GLB1: variants seen among roughly 807,000 people sequenced by gnomAD.
GLB1 encodes the protein galactosidase beta 1, also known as beta-galactosidase.
GLB1 carries 56 observed loss-of-function variants against 74.0 expected under a neutral mutation model. That is an observed-to-expected ratio of 0.76 (90% CI 0.61 to 0.94). The LOEUF (loss-of-function observed/expected upper bound fraction) is 0.94, where lower values mean the gene tolerates loss of function less well. Ranked by LOEUF, GLB1 falls within the 40% of genes least tolerant of loss-of-function variation. GLB1 has a pLI of 0.00. For synonymous variants in GLB1, 323 were observed against 323.6 expected (o/e 1.00, Z 0.02); for missense variants, 787 against 845.5 (o/e 0.93, Z 0.86).
the GLB1 span, among the ~76,000 whole-genome samples, chr3:32,981,497 G>C: frequency 6.6e-6 from 1 of 151,722 alleles, no homozygotes; most frequent in Non-Finnish European, 1.5e-5. Flanking sequence ...ATACTGACCG[G>C]GCACGGTGGC....
intron 15 of GLB1, among the ~76,000 whole-genome samples, chr3:32,997,942 A>G (rs1696383870): frequency 6.6e-6 from 1 of 152,142 alleles, no homozygotes; most frequent in Non-Finnish European, 1.5e-5. Flanking sequence ...CAAGAGGGAT[A>G]GGGGGGTTTG....
rs1698193245 is a variant in GLB1 at position 33,034,607 on chromosome 3, A to G, written c.1069-10282T>C. 22 of 720,042 alleles carry G rather than the reference A, an allele frequency of 3.1e-5. No homozygotes were observed. The South Asian group carries it at 3.1e-4, about 10-fold the overall frequency. The allele number at this position is 720,042 out of a possible 1,614,324, so 44.6% of individuals were successfully genotyped here. On this transcript the variant is annotated intron_variant, in intron 10 of 15. Transcript: ENST00000307363. Reference sequence around the variant, plus strand: ...TGCCTTGGGAAATATATGGTCTCCCAAATTGCTGCACAAGTTCAATGATGT... The same window carrying G: ...TGCCTTGGGAAATATATGGTCTCCCGAATTGCTGCACAAGTTCAATGATGT...
intron 10 of GLB1, among the ~76,000 whole-genome samples, chr3:33,031,753 G>A (rs1698052541): frequency 7.1e-6 from 1 of 141,710 alleles, no homozygotes; most frequent in Non-Finnish European, 1.5e-5. Flanking sequence ...GACATGTTAA[G>A]CTGCAATCTA....
At chr3:33,077,938 T>G (rs1700181715) in intron 1 of GLB1, among the ~76,000 whole-genome samples, 1 of 152,214 alleles carries the variant, frequency 6.6e-6, no homozygotes, top group African/African-American at 2.4e-5. Context: ...AAGGACAATT[T>G]TATAACTTTG....
intron 1 of GLB1, among the ~76,000 whole-genome samples, chr3:33,078,286 AC>A (rs955743349): frequency 1.1e-4 from 16 of 152,130 alleles, no homozygotes; most frequent in Non-Finnish European, 1.2e-4. Context: ...ATCTGAAAAC[AC>A]CTTTTCCCCA....
chr3:32,962,324 C>T, the GLB1 span, among the ~76,000 whole-genome samples: 8 of 151,798 alleles, frequency 5.3e-5, no homozygotes, highest in African/African-American at 1.7e-4. Flanking sequence ...AAAGAATGGA[C>T]GTTAGTTAAT....
chr3:33,068,171 G>A, intron 4 of GLB1, 59 bp downstream of exon 4: 1 of 1,611,344 alleles, frequency 6.2e-7, no homozygotes, highest in East Asian at 2.2e-5. Flanking sequence ...ACAGGCGTGA[G>A]CCACCGCACC....
In GLB1 at chr3:33,073,001, T is replaced by C. The variant is rs79293183; in HGVS notation, c.76-288A>G. ...CAGTGGCTGAGATGATATTCCACTG[T>C]GCTGTTCATGGGGCTGGGGAACATC... On this transcript the variant is annotated intron_variant, in intron 1 of 15. Coordinates refer to ENST00000307363, the MANE Select transcript of GLB1 (RefSeq NM_000404.4). Among the ~76,000 whole-genome samples the C allele has an allele frequency of 0.017, 2,617 of 152,200 alleles. 67 individuals are homozygous for C. The highest frequency in any genetic ancestry group is 0.075 in the East Asian group (388 of 5,180).
At position 33,065,511 on chromosome 3, in the gene GLB1, C is replaced by T. The variant is rs780127497; in HGVS notation, c.504G>A (p.Lys168=). ...CATTCTGATAGAGGAGAGGCTTCAT[C>T]TTGGGCAGAAGGACTCCCAACCACT... ...VDKWLGVLLP[K]MKPLLYQNGG... is the part of the protein sequence containing the mutation. The change falls in exon 5 of 16, where the codon AAG becomes AAA. Residue 168 remains lysine, a synonymous_variant. Coordinates refer to ENST00000307363, the MANE Select transcript of GLB1 (RefSeq NM_000404.4). 1 of 1,586,752 alleles carries T rather than the reference C, an allele frequency of 6.3e-7. No individual in the cohort carries two copies.
chr3:33,074,366 AAGGAAGG>A (rs1700013392), intron 1 of GLB1, among the ~76,000 whole-genome samples: 3 of 124,020 alleles, frequency 2.4e-5, no homozygotes, highest in African/African-American at 8.8e-5. Flanking sequence ...GGAAGGAAGG[AAGGAAGG>A]AAGGAAGGAA....
intron 15 of GLB1, among the ~76,000 whole-genome samples, chr3:33,000,327 T>C (rs1208049257): frequency 1.3e-5 from 2 of 152,232 alleles, no homozygotes; most frequent in Non-Finnish European, 2.9e-5. Context: ...AGTGATACTA[T>C]AAAGAGTAGC....
chr3:33,091,277 G>A, intron 1 of GLB1: 2 of 985,460 alleles, frequency 2.0e-6, no homozygotes, highest in Non-Finnish European at 2.4e-6. Context: ...GGCTGCCTGG[G>A]AACAAAAAGG....
In GLB1 at chr3:33,018,485, T is replaced by A. The variant is rs202237232; in HGVS notation, c.1310A>T (p.Asn437Ile). The A allele has an allele frequency of 3.1e-6, 5 of 1,613,746 alleles. No homozygotes were observed. In the African/African-American group the frequency reaches 6.7e-5, roughly 22 times the overall value. ...AACATATGCTCGATCGTGGACTCCATTGAGGGGTGAAGAGAGAGGTGCTGG... is the reference window on the plus strand; with the variant it reads ...AACATATGCTCGATCGTGGACTCCAATGAGGGGTGAAGAGAGAGGTGCTGG... Reference protein sequence around the residue: ...SNPAPLSSPLNGVHDRAYVAV... With the variant: ...SNPAPLSSPLIGVHDRAYVAV... The change falls in exon 13 of 16, where the codon AAT becomes ATT. Residue 437 changes from asparagine (N) to isoleucine (I), a missense_variant. By Grantham distance (149) the Asn-to-Ile change is moderately radical (BLOSUM62 -3). Transcript: ENST00000307363.
chr3:32,974,112 C>T, the GLB1 span, among the ~76,000 whole-genome samples: 1 of 152,154 alleles, frequency 6.6e-6, no homozygotes, highest in Admixed American at 6.5e-5. Flanking sequence ...TGAAGCAACC[C>T]CTAAGCTCCC....
Position 33,018,512 on chromosome 3 carries a change from T to C in GLB1, c.1283A>G (p.Asn428Ser), listed in dbSNP as rs761605000. The C allele has an allele frequency of 1.9e-6, 3 of 1,613,942 alleles. No individual in the cohort carries two copies. The highest frequency in any genetic ancestry group is 2.5e-6 in the Non-Finnish European group (3 of 1,180,014). Residue 428 changes from asparagine to serine, a missense_variant, in exon 13 of 16, where the codon AAC (asparagine) becomes AGC (serine). Transcript: ENST00000307363. ...GAGGGGTGAAGAGAGAGGTGCTGGG[T>C]TGCTGCAATCTTGAGGAAGTGTTGT... ...YRTTLPQDCS[N>S]PAPLSSPLNG...
At chr3:33,089,909 CA>C (rs994052096) in intron 1 of GLB1, among the ~76,000 whole-genome samples, 1 of 151,390 alleles carries the variant, frequency 6.6e-6, no homozygotes, top group Non-Finnish European at 1.5e-5. Context: ...ACAAAAAGAA[CA>C]AAAAAAATGG....
chr3:32,999,549 G>A (rs1696462672), intron 15 of GLB1, among the ~76,000 whole-genome samples: 1 of 152,156 alleles, frequency 6.6e-6, no homozygotes, highest in South Asian at 2.1e-4. Context: ...ATGCCGGGTG[G>A]ACTGTGCACC....
Position 33,014,113 on chromosome 3 carries a change from G to T in GLB1, c.1677C>A (p.Pro559=), listed in dbSNP as rs771927612. 1 of 1,614,192 alleles carries T rather than the reference G, an allele frequency of 6.2e-7. No homozygotes were observed. The highest frequency in any genetic ancestry group is 1.1e-5 in the South Asian group (1 of 91,076). The part of the protein sequence containing the change: ...PAFYMGNFSI[P]SGIPDLPQDT... The stretch of plus-strand genomic sequence containing the variant: ...CCTGGGGCAAGTCTGGGATCCCACT[G>T]GGAATGGAGAAGTTCCCCATATAAA... Residue 559 remains proline, a synonymous_variant, in exon 15 of 16, where the codon CCC becomes CCA. Transcript: ENST00000307363.
chr3:33,013,356 T>C (rs1697105058), intron 15 of GLB1, among the ~76,000 whole-genome samples: 1 of 152,218 alleles, frequency 6.6e-6, no homozygotes, highest in African/African-American at 2.4e-5. Context: ...TCTGCCTCCC[T>C]CACTAGACTG....
Sources: gnomAD v4.1 joint callset for allele counts (sites outside exome capture counted in the v4.1 genomes callset) on GRCh38, gnomAD v4.1.1 for gene constraint, MANE v1.5 for transcripts, NCBI Gene and HGNC (gene_info 2026-07-23, HGNC 2026-07-21) for gene names.